The following KALRN variants were observed in gnomAD, a reference collection of about 807,000 sequenced individuals.
KALRN encodes the protein kalirin RhoGEF kinase.
KALRN carries 70 observed loss-of-function variants against 353.7 expected under a neutral mutation model. The ratio of observed to expected loss-of-function variants is 0.20; its 90% confidence interval spans 0.16 to 0.24. The LOEUF (loss-of-function observed/expected upper bound fraction) is 0.24, where lower values mean the gene tolerates loss of function less well. Ranked by LOEUF, KALRN falls within the 10% of genes least tolerant of loss-of-function variation. KALRN has a pLI of 1.00. For synonymous variants in KALRN, 1,391 were observed against 1,434.8 expected, an observed-to-expected ratio of 0.97 and a Z score of 0.69; for missense variants, 2,791 against 3,756.7, an observed-to-expected ratio of 0.74 and a Z score of 6.72.
At chr3:124,091,289 T>G (rs2061105588) in intron 1 of KALRN, among the ~76,000 whole-genome samples, 1 of 152,150 alleles carries the variant, frequency 6.6e-6, no homozygotes, top group Admixed American at 6.5e-5. Flanking sequence ...TCACTTTGGT[T>G]TGCAGATACC....
At chr3:124,398,578 T>C in intron 12 of KALRN, 119 bp from the exon 13 acceptor site, 2 of 974,926 alleles carry the variant, frequency 2.1e-6, no homozygotes, top group Non-Finnish European at 3.2e-6. Flanking sequence ...TGTCTGTTGA[T>C]TGAATGACTC....
intron 5 of KALRN, among the ~76,000 whole-genome samples, chr3:124,276,348 G>A (rs186023869): frequency 2.6e-4 from 39 of 152,228 alleles, no homozygotes; most frequent in East Asian, 7.7e-4. Context: ...AGGATGCCCC[G>A]TCACTGGGCA....
chr3:124,571,056 G>A (rs375593801), intron 34 of KALRN, among the ~76,000 whole-genome samples: 67 of 152,098 alleles, frequency 4.4e-4, no homozygotes, highest in African/African-American at 1.5e-3. Flanking sequence ...TTCTACCCAC[G>A]TCTCCTTCTA....
intron 33 of KALRN, among the ~76,000 whole-genome samples, chr3:124,560,344 C>T (rs9837509): frequency 0.13 from 19,742 of 152,272 alleles, 1,444 homozygotes; most frequent in Middle Eastern, 0.24. Flanking sequence ...CTGGCGTGGT[C>T]GCAGAGGAGC....
At chr3:124,265,295 A>ATTTTTTTT (rs1465968614) in intron 4 of KALRN, among the ~76,000 whole-genome samples, 1 of 61,088 alleles carries the variant, frequency 1.6e-5, no homozygotes, top group Admixed American at 1.9e-4. Context: ...TTAAGAAAAT[A>ATTTTTTTT]TTCTTTTTTT....
At chr3:124,242,892 G>C (rs1221102451) in intron 3 of KALRN, among the ~76,000 whole-genome samples, 2 of 152,122 alleles carry the variant, frequency 1.3e-5, no homozygotes, top group Non-Finnish European at 2.9e-5. Context: ...GTGGGTGATA[G>C]TCAACCATGA....
intron 45 of KALRN, among the ~76,000 whole-genome samples, chr3:124,665,042 CAGT>C (rs2085441021): frequency 1.3e-5 from 2 of 152,178 alleles, no homozygotes; most frequent in Non-Finnish European, 2.9e-5. Context: ...CTGACATTGG[CAGT>C]AAGGAGCCAT....
chr3:124,368,287 C>T (rs1368647825), intron 10 of KALRN, among the ~76,000 whole-genome samples: 6 of 145,556 alleles, frequency 4.1e-5, no homozygotes, highest in South Asian at 2.1e-4. Flanking sequence ...CGGGCGGAGA[C>T]GCTCCTCACT....
At chr3:124,359,544 G>A (rs1035810398) in intron 10 of KALRN, among the ~76,000 whole-genome samples, 2 of 152,146 alleles carry the variant, frequency 1.3e-5, no homozygotes. Flanking sequence ...GTGAAGAAAA[G>A]CATAGCATTT....
chr3:124,150,348 A>G (rs1022480410), intron 1 of KALRN, among the ~76,000 whole-genome samples: 9 of 152,230 alleles, frequency 5.9e-5, no homozygotes, highest in African/African-American at 2.2e-4. Context: ...TAAATTAAAA[A>G]GCAAATTTTC....
Position 124,695,988 on chromosome 3 carries a change from G to T in KALRN, c.7578-146G>T. 5.7e-6 allele frequency: 4 copies of T among 699,658 alleles called. 1 individual carries two copies. The highest frequency in any genetic ancestry group is 4.6e-5 in the South Asian group (2 of 43,418). 43.3% of individuals were successfully genotyped at this position (699,658 alleles called of 1,614,324 possible). A position where few individuals can be genotyped will look rare whatever the true frequency, so the allele number is the denominator to read the frequency against. On this transcript the variant is annotated intron_variant, in intron 53 of 59. Transcript: ENST00000682506. ...AGGAACTGGGGATGTAGAGAAACAG[G>T]GTGGTAGGTAGCTCACAGACCAGGG...
rs773705271 is a variant in KALRN at position 124,496,432 on chromosome 3, C to T, written c.4935+19C>T. The T allele has an allele frequency of 1.2e-5, 19 of 1,555,016 alleles. No homozygotes were observed. Among genetic ancestry groups the T allele is most frequent in the Non-Finnish European group, 2.7e-6 (3 of 1,126,350 alleles). ...TGACAAGGTAGGACAGAGTCCTAAC[C>T]TTCCTTCCCCTGAGACTTCTTGATG... On this transcript the variant is annotated intron_variant, in intron 33 of 59. Coordinates refer to ENST00000682506, the MANE Select transcript of KALRN (RefSeq NM_001388419.1).
intron 34 of KALRN, among the ~76,000 whole-genome samples, chr3:124,578,213 A>T (rs2074300637): frequency 6.6e-6 from 1 of 152,236 alleles, no homozygotes; most frequent in East Asian, 1.9e-4. Context: ...AATAGTAAAT[A>T]TTCCAAGACC....
At chr3:124,277,010 T>C (rs2074813368) in intron 5 of KALRN, among the ~76,000 whole-genome samples, 1 of 152,192 alleles carries the variant, frequency 6.6e-6, no homozygotes, top group South Asian at 2.1e-4. Context: ...ACCCTCTCTT[T>C]GGAGGCTCCT....
intron 34 of KALRN, among the ~76,000 whole-genome samples, chr3:124,586,043 G>A (rs1236684119): frequency 2.6e-5 from 4 of 152,152 alleles, no homozygotes; most frequent in African/African-American, 9.7e-5. Flanking sequence ...CTTTTCCTGC[G>A]CGTCATTAAG....
At chr3:124,332,132 G>T (rs1317493742) in intron 8 of KALRN, among the ~76,000 whole-genome samples, 2 of 152,096 alleles carry the variant, frequency 1.3e-5, no homozygotes, top group African/African-American at 4.8e-5. Flanking sequence ...TGGGAGATGG[G>T]GATGGCAGGA....
chr3:124,355,512 T>C (rs2083287726), intron 10 of KALRN, among the ~76,000 whole-genome samples: 1 of 152,074 alleles, frequency 6.6e-6, no homozygotes, highest in Non-Finnish European at 1.5e-5. Flanking sequence ...TTCCCATAGA[T>C]GAAATAAGAA....
intron 43 of KALRN, among the ~76,000 whole-genome samples, chr3:124,660,469 G>T (rs1036126625): frequency 1.3e-5 from 2 of 152,036 alleles, no homozygotes; most frequent in African/African-American, 4.8e-5. Context: ...ATCACCTGAG[G>T]TCAGGAGTTT....
chr3:124,205,435 C>T (rs2076331454), intron 1 of KALRN, among the ~76,000 whole-genome samples: 1 of 152,160 alleles, frequency 6.6e-6, no homozygotes, highest in African/African-American at 2.4e-5. Context: ...TTGGGCAAAT[C>T]ATTTGACTTC....
Sources: allele counts gnomAD v4.1 joint callset (sites outside exome capture counted in the v4.1 genomes callset), GRCh38; gene constraint gnomAD v4.1.1; transcripts MANE v1.5; gene names NCBI Gene and HGNC (gene_info 2026-07-23, HGNC 2026-07-21).